The following SIRPB2 variants were observed in gnomAD, a reference collection of about 807,000 sequenced individuals.
The protein encoded by SIRPB2 is signal regulatory protein beta 2, also known as signal-regulatory protein beta-2.
A neutral mutation model predicts 27.1 loss-of-function variants in SIRPB2; 18 were observed. The observed-to-expected ratio is 0.66, with a 90% CI of 0.46 to 0.98. The LOEUF is 0.98. Among genes scored for constraint, SIRPB2 ranks in the 50% least tolerant of loss-of-function variants. The pLI, the probability that SIRPB2 is intolerant of heterozygous loss-of-function variation, is 0.00. For missense variants in SIRPB2, 420 were observed against 417.4 expected, an observed-to-expected ratio of 1.01 and a Z score of -0.06; for synonymous variants, 150 against 164.6, an observed-to-expected ratio of 0.91 and a Z score of 0.68.
chr20:1,487,604 G>A (rs2090738649), intron 1 of SIRPB2, among the ~76,000 whole-genome samples: 1 of 152,210 alleles, frequency 6.6e-6, no homozygotes, highest in Non-Finnish European at 1.5e-5. Context: ...ACTGAATAGA[G>A]AGTCTAGAAA....
downstream of SIRPB2, among the ~76,000 whole-genome samples, chr20:1,472,482 C>A (rs111637646): frequency 4.6e-5 from 7 of 152,298 alleles, no homozygotes; most frequent in African/African-American, 1.7e-4. Context: ...GGGGCCCAGG[C>A]ACTGTAGGCT....
At chr20:1,490,513 C>G (rs1051470421) in intron 1 of SIRPB2, among the ~76,000 whole-genome samples, 2 of 152,158 alleles carry the variant, frequency 1.3e-5, no homozygotes, top group Admixed American at 6.5e-5. Flanking sequence ...GCTAACCTGG[C>G]CTGCCCCTGA....
At chr20:1,473,303 A>C (rs2090587065), downstream of SIRPB2, 1 of 152,508 alleles carries the variant, frequency 6.6e-6, no homozygotes, top group Non-Finnish European at 1.5e-5. Flanking sequence ...AGGGAGCTCA[A>C]ATTCTAGTGG....
In SIRPB2 at chr20:1,480,109, T is replaced by C. The variant is rs369808635; in HGVS notation, c.86-44A>G. ...GACCTTGCACTGGGCAGGAAGGACTTGGAGCCCTAAATGACAAGCTTAAAA... is the reference window on the plus strand; with the variant it reads ...GACCTTGCACTGGGCAGGAAGGACTCGGAGCCCTAAATGACAAGCTTAAAA... On this transcript the variant is annotated intron_variant, in intron 1 of 4. Transcript: ENST00000359801. The C allele has an allele frequency of 7.6e-5, 118 of 1,543,906 alleles. No homozygotes were observed. The African/African-American group carries it at 1.1e-3, about 14-fold the overall frequency.
intron 1 of SIRPB2, among the ~76,000 whole-genome samples, chr20:1,490,730 C>T (rs116915964): frequency 1.3e-5 from 2 of 152,268 alleles, no homozygotes; most frequent in East Asian, 1.9e-4. Flanking sequence ...GAGCCTACTG[C>T]GTCTTAAGCT....
intron 1 of SIRPB2, among the ~76,000 whole-genome samples, chr20:1,490,546 T>C (rs1006570018): frequency 6.6e-6 from 1 of 152,224 alleles, no homozygotes; most frequent in African/African-American, 2.4e-5. Flanking sequence ...ATGGGAATGA[T>C]AATAATAATC....
downstream of SIRPB2, chr20:1,473,357 C>G (rs529907800): frequency 2.6e-4 from 40 of 152,372 alleles, no homozygotes; most frequent in Non-Finnish European, 4.7e-4. Flanking sequence ...CAAACACACA[C>G]GCACACACAG....
downstream of SIRPB2, chr20:1,471,246 A>G (rs1272116952): frequency 1.3e-5 from 2 of 152,204 alleles, no homozygotes; most frequent in Non-Finnish European, 2.9e-5. Flanking sequence ...TGGCCAATCT[A>G]GTGGAGTTGA....
intron 1 of SIRPB2, among the ~76,000 whole-genome samples, chr20:1,488,579 T>C (rs917832530): frequency 8.6e-5 from 13 of 151,914 alleles, no homozygotes; most frequent in African/African-American, 3.1e-4. Flanking sequence ...GCCAGGGAGA[T>C]GGAGGTTGCA....
chr20:1,485,571 A>G (rs1472759687), intron 1 of SIRPB2, among the ~76,000 whole-genome samples: 1 of 151,998 alleles, frequency 6.6e-6, no homozygotes, highest in African/African-American at 2.4e-5. Context: ...CCAATAAACT[A>G]AACTCAAAGT....
At chr20:1,478,161 A>C in intron 3 of SIRPB2, 105 bp downstream of exon 3, 1 of 1,059,646 alleles carries the variant, frequency 9.4e-7, no homozygotes, top group East Asian at 2.5e-5. Context: ...AAACTTATGT[A>C]AAGACATGGA....
At position 1,476,031 on chromosome 20, in the gene SIRPB2, C is replaced by T; in HGVS notation, c.*136G>A. The T allele has an allele frequency of 1.0e-6, 1 of 989,866 alleles. No homozygotes were observed. Among genetic ancestry groups the T allele is most frequent in the Non-Finnish European group, 1.5e-6 (1 of 668,106 alleles). The allele number at this position is 989,866 out of a possible 1,614,324, so 61.3% of individuals were successfully genotyped here. A position where few individuals can be genotyped will look rare whatever the true frequency, so the allele number is the denominator to read the frequency against. ...AAGAAGGGAATTTCACTAGGTGGAC[C>T]AAAACCAGATGTAGGGATCTAGGAG... is the stretch of plus-strand genomic sequence containing the variant. On this transcript the variant is annotated 3_prime_UTR_variant, in exon 5 of 5. Transcript: ENST00000359801.
chr20:1,476,617 T>C, intron 4 of SIRPB2: 3 of 637,706 alleles, frequency 4.7e-6, no homozygotes, highest in Non-Finnish European at 3.9e-6. Context: ...AATCCTACAG[T>C]GTAGGATAGT....
chr20:1,485,007 T>C (rs1206318441), intron 1 of SIRPB2, among the ~76,000 whole-genome samples: 1 of 152,126 alleles, frequency 6.6e-6, no homozygotes, highest in Non-Finnish European at 1.5e-5. Flanking sequence ...AAACATCACA[T>C]GTTTTCACTC....
chr20:1,488,224 C>T (rs554970927), intron 1 of SIRPB2, among the ~76,000 whole-genome samples: 19 of 152,182 alleles, frequency 1.2e-4, no homozygotes, highest in African/African-American at 3.4e-4. Flanking sequence ...TAATATATAA[C>T]GAACTCTCAA....
At chr20:1,472,752 A>C (rs1010426326), downstream of SIRPB2, 2 of 152,232 alleles carry the variant, frequency 1.3e-5, no homozygotes, top group African/African-American at 4.8e-5. Context: ...TTGAACCTGC[A>C]CAGCCAGATT....
downstream of SIRPB2, chr20:1,472,604 G>A (rs1262682885): frequency 1.3e-5 from 2 of 152,136 alleles, no homozygotes; most frequent in East Asian, 3.8e-4. Context: ...CTTCTTATGT[G>A]CCAGGTGCTG....
intron 1 of SIRPB2, among the ~76,000 whole-genome samples, chr20:1,490,248 T>C (rs1404812948): frequency 6.6e-6 from 1 of 152,190 alleles, no homozygotes; most frequent in Non-Finnish European, 1.5e-5. Context: ...TCTTGAGTCA[T>C]ACGGCCAATG....
At position 1,486,077 on chromosome 20, in the gene SIRPB2, T is replaced by TTTTCTTTTCTTTTCTTTTC. The variant is rs200648918; in HGVS notation, c.85+5197_85+5198insGAAAAGAAAAGAAAAGAAA. On this transcript the variant is annotated intron_variant, in intron 1 of 4. Transcript: ENST00000359801. ...TATCTTTTTCTTTTCTTTTCTTTTCTTTTTTTTTTTTTTGAGACAGGGCCT... is the reference window on the plus strand; with the variant it reads ...TATCTTTTTCTTTTCTTTTCTTTTCTTTTCTTTTCTTTTCTTTTCTTTTTTTTTTTTTGAGACAGGGCCT... Among the ~76,000 whole-genome samples, 5 of 135,774 alleles carry TTTTCTTTTCTTTTCTTTTC rather than the reference T, an allele frequency of 3.7e-5. No homozygotes were observed. In the South Asian group the frequency reaches 7.0e-4, roughly 19 times the overall value. The allele number at this position is 135,774 out of a possible 152,430, so 89.1% of individuals were successfully genotyped here. A position where few individuals can be genotyped will look rare whatever the true frequency, so the allele number is the denominator to read the frequency against.
Sources: allele counts gnomAD v4.1 joint callset (sites outside exome capture counted in the v4.1 genomes callset), GRCh38; gene constraint gnomAD v4.1.1; transcripts MANE v1.5; gene names NCBI Gene and HGNC (gene_info 2026-07-23, HGNC 2026-07-21).